Variants in LSAMP observed in about 807,000 individuals in gnomAD.
The protein encoded by LSAMP is limbic system-associated membrane protein.
Under a neutral mutation model 38.6 loss-of-function variants are expected in LSAMP, and 7 were observed. The observed-to-expected ratio is 0.18, with a 90% CI of 0.10 to 0.34. LSAMP has a LOEUF of 0.34. LSAMP is among the 10% of genes least tolerant of loss of function. The pLI, the probability that LSAMP is intolerant of heterozygous loss-of-function variation, is 1.00. For synonymous variants in LSAMP, 154 were observed against 166.8 expected, an observed-to-expected ratio of 0.92 and a Z score of 0.59; for missense variants, 313 against 420.0, an observed-to-expected ratio of 0.75 and a Z score of 2.23.
chr3:116,145,333 A>G, intron 1 of LSAMP, among the ~76,000 whole-genome samples: 1 of 150,966 alleles, frequency 6.6e-6, no homozygotes, highest in Non-Finnish European at 1.5e-5. Flanking sequence ...TATATATGGA[A>G]AGAGAGAGAG....
intron 1 of LSAMP, among the ~76,000 whole-genome samples, chr3:116,250,774 G>C (rs1000248636): frequency 2.0e-5 from 3 of 152,130 alleles, no homozygotes; most frequent in Admixed American, 2.0e-4. Context: ...AGAGGCTGAG[G>C]TAGGGGATCA....
rs145358523 is a variant in LSAMP, at chr3:116,138,975, T to C, written c.156-52419A>G. Among the ~76,000 whole-genome samples, 950 of 151,900 alleles carry C rather than the reference T, an allele frequency of 6.3e-3. 10 individuals are homozygous for C. The highest frequency in any genetic ancestry group is 0.022 in the African/African-American group (910 of 41,464). ...AATAGTGATCCAGAAATTTGCACTG[T>C]CTACTAAAATTATACATTGAGCATT... On this transcript the variant is annotated intron_variant, in intron 1 of 6. Transcript: ENST00000490035.
chr3:116,165,205 A>C (rs1710020880), intron 1 of LSAMP, among the ~76,000 whole-genome samples: 1 of 152,204 alleles, frequency 6.6e-6, no homozygotes, highest in Admixed American at 6.5e-5. Flanking sequence ...TTGATCTCAG[A>C]TGTCTGGACT....
rs1223320227 is a variant in LSAMP, at chr3:116,166,824, TCTGTCACC to T, written c.156-80276_156-80269del. 3.4e-5 allele frequency among the ~76,000 whole-genome samples: 5 copies of T among 147,604 alleles called. No homozygotes were observed. The East Asian group carries it at 8.0e-4, about 24-fold the overall frequency. Reference sequence around the variant, plus strand: ...TTTTTTGAGACGGAGTCTCACTCTGTCTGTCACCCAGGCTGGAGTGCAGTGGCGCGATC... The same window carrying T: ...TTTTTTGAGACGGAGTCTCACTCTGTCAGGCTGGAGTGCAGTGGCGCGATC... On this transcript the variant is annotated intron_variant, in intron 1 of 6. Coordinates refer to ENST00000490035, the MANE Select transcript of LSAMP (RefSeq NM_002338.5).
Position 116,164,748 on chromosome 3 carries a change from A to ATC in LSAMP, c.156-78193_156-78192insGA, listed in dbSNP as rs1710002202. 1.3e-4 allele frequency among the ~76,000 whole-genome samples: 7 copies of ATC among 52,922 alleles called. 1 individual carries two copies. The highest frequency in any genetic ancestry group is 2.9e-4 in the African/African-American group (5 of 17,334). The allele number at this position is 52,922 out of a possible 152,430, so 34.7% of individuals were successfully genotyped here. ...AATCCAAATATATATATATCCATAT[A>ATC]TATATATATATATTTTTTTTTTTTT... On this transcript the variant is annotated intron_variant, in intron 1 of 6. Coordinates refer to ENST00000490035, the MANE Select transcript of LSAMP (RefSeq NM_002338.5).
chr3:116,305,933 C>CTTT (rs11347560), intron 1 of LSAMP, among the ~76,000 whole-genome samples: 2 of 143,992 alleles, frequency 1.4e-5, no homozygotes, highest in African/African-American at 5.1e-5. Context: ...TATTTCAGTG[C>CTTT]TTTTTTTTTT....
intron 1 of LSAMP, among the ~76,000 whole-genome samples, chr3:116,317,572 G>A (rs1411949291): frequency 6.6e-6 from 1 of 151,702 alleles, no homozygotes; most frequent in East Asian, 2.0e-4. Context: ...AGCTAGGATA[G>A]TCTTGATCTC....
chr3:116,280,841 T>C lies in LSAMP; in HGVS notation c.155+164036A>G, dbSNP rs549221080. The stretch of plus-strand genomic sequence containing the variant: ...AGTGGATTGCAAGTAACATGCTGCC[T>C]CTTACAGAAAGCCCAGAATAGTGTG... On this transcript the variant is annotated intron_variant, in intron 1 of 6. Coordinates refer to ENST00000490035, the MANE Select transcript of LSAMP (RefSeq NM_002338.5). Among the ~76,000 whole-genome samples the C allele has an allele frequency of 5.9e-5, 9 of 152,276 alleles. 1 individual carries two copies. The South Asian group carries it at 1.4e-3, about 25-fold the overall frequency.
At chr3:116,145,983 T>C (rs1179419399) in intron 1 of LSAMP, among the ~76,000 whole-genome samples, 2 of 151,966 alleles carry the variant, frequency 1.3e-5, no homozygotes, top group African/African-American at 2.4e-5. Context: ...TGCTACATTG[T>C]CTCCATTTTA....
intron 2 of LSAMP, among the ~76,000 whole-genome samples, chr3:116,057,017 T>C (rs1941501922): frequency 6.6e-6 from 1 of 152,164 alleles, no homozygotes; most frequent in Non-Finnish European, 1.5e-5. Context: ...GGGTGGATCC[T>C]TTATGAGGTT....
At chr3:116,163,236 C>A (rs1239290234) in intron 1 of LSAMP, among the ~76,000 whole-genome samples, 1 of 121,354 alleles carries the variant, frequency 8.2e-6, no homozygotes, top group Non-Finnish European at 1.7e-5. Context: ...TCCCCCCACC[C>A]CACAACAGTC....
chr3:116,112,018 A>C (rs565872759), intron 1 of LSAMP, among the ~76,000 whole-genome samples: 2 of 152,252 alleles, frequency 1.3e-5, no homozygotes, highest in Non-Finnish European at 2.9e-5. Flanking sequence ...CAGCATGTAA[A>C]GATAATTACT....
At chr3:116,318,350 G>A (rs1400994640) in intron 1 of LSAMP, among the ~76,000 whole-genome samples, 3 of 152,094 alleles carry the variant, frequency 2.0e-5, no homozygotes, top group Non-Finnish European at 2.9e-5. Context: ...AGCAGCTAGT[G>A]TGCTCCAGTT....
At chr3:115,925,144 G>T (rs1214424854) in intron 3 of LSAMP, among the ~76,000 whole-genome samples, 1 of 152,134 alleles carries the variant, frequency 6.6e-6, no homozygotes, top group Admixed American at 6.5e-5. Context: ...TCCTAGGCCT[G>T]GGGGGTGAAC....
chr3:116,375,705 G>A (rs2048485907), intron 1 of LSAMP, among the ~76,000 whole-genome samples: 1 of 151,788 alleles, frequency 6.6e-6, no homozygotes, highest in South Asian at 2.1e-4. Context: ...ATTTACAGTT[G>A]AGGATCATAA....
intron 3 of LSAMP, among the ~76,000 whole-genome samples, chr3:116,003,583 T>A (rs1940063468): frequency 6.6e-6 from 1 of 152,176 alleles, no homozygotes; most frequent in Non-Finnish European, 1.5e-5. Context: ...GTGACCTTAT[T>A]TGGAAAAGGG....
intron 3 of LSAMP, among the ~76,000 whole-genome samples, chr3:115,905,826 A>G (rs1286680503): frequency 6.6e-6 from 1 of 152,074 alleles, no homozygotes; most frequent in Non-Finnish European, 1.5e-5. Flanking sequence ...AGCATCTCTC[A>G]TTCTAGGGCA....
chr3:116,021,392 A>G (rs1285433807), intron 2 of LSAMP, among the ~76,000 whole-genome samples: 2 of 152,148 alleles, frequency 1.3e-5, no homozygotes, highest in Non-Finnish European at 1.5e-5. Flanking sequence ...GGCTGGACTT[A>G]GAATTCAGAG....
At chr3:116,246,151 AGTCGATGC>A (rs1306507269) in intron 1 of LSAMP, among the ~76,000 whole-genome samples, 1 of 152,234 alleles carries the variant, frequency 6.6e-6, no homozygotes, top group Non-Finnish European at 1.5e-5. Context: ...CCCAAACAAA[AGTCGATGC>A]TCCCTTTATG....
Sources: gnomAD v4.1 joint callset for allele counts (sites outside exome capture counted in the v4.1 genomes callset) on GRCh38, gnomAD v4.1.1 for gene constraint, MANE v1.5 for transcripts, NCBI Gene and HGNC (gene_info 2026-07-23, HGNC 2026-07-21) for gene names.